The following BCLAF1 variants were observed in gnomAD, a reference collection of about 807,000 sequenced individuals.
BCLAF1 encodes the protein bcl-2-associated transcription factor 1.
BCLAF1 carries 10 observed loss-of-function variants against 99.5 expected under a neutral mutation model. The observed-to-expected ratio is 0.10, with a 90% CI of 0.06 to 0.17. The LOEUF (loss-of-function observed/expected upper bound fraction) is 0.17. Among genes scored for constraint, BCLAF1 ranks in the 10% least tolerant of loss-of-function variants. The pLI, the probability that BCLAF1 is intolerant of heterozygous loss-of-function variation, is 1.00. For synonymous variants in BCLAF1, 255 were observed against 370.9 expected (o/e 0.69, Z 3.59); for missense variants, 636 against 1,105.8 (o/e 0.58, Z 6.02).
rs374912246 is a variant in BCLAF1 at position 136,278,729 on chromosome 6, C to T, written c.152G>A (p.Arg51His). The T allele has an allele frequency of 6.2e-6, 10 of 1,605,768 alleles. No homozygotes were observed. Among genetic ancestry groups the T allele is most frequent in the Non-Finnish European group, 5.9e-6 (7 of 1,177,512 alleles). The change falls in exon 4 of 13, where the codon CGT becomes CAT. Residue 51 changes from arginine (R) to histidine (H), a missense_variant. This residue lies in a region of BCLAF1 where 81 missense variants were observed against 132.5 expected (regional missense o/e 0.61). Transcript: ENST00000531224. ...GCGACGATAATCTCTAGAATACATA[C>T]GATCTCTACTACGAGACCTTGAATA... is the stretch of plus-strand genomic sequence containing the variant. ...RTYSRSRSRDRMYSRDYRRDY... is the reference protein window; with the variant it reads ...RTYSRSRSRDHMYSRDYRRDY...
At chr6:136,263,034 G>T (rs1314193114) in intron 11 of BCLAF1, among the ~76,000 whole-genome samples, 3 of 152,118 alleles carry the variant, frequency 2.0e-5, no homozygotes, top group Non-Finnish European at 4.4e-5. Flanking sequence ...TGGCAAAAAT[G>T]ATGTTTCTAT....
At chr6:136,268,609 TTTTTAAA>T (rs1342258508) in intron 9 of BCLAF1, 2 of 298,154 alleles carry the variant, frequency 6.7e-6, no homozygotes, top group Non-Finnish European at 1.3e-5. Context: ...TTCTTTAGTA[TTTTTAAA>T]TTAAGTTATG....
chr6:136,285,927 G>A (rs375890134), intron 1 of BCLAF1, among the ~76,000 whole-genome samples: 3 of 152,034 alleles, frequency 2.0e-5, no homozygotes, highest in African/African-American at 4.8e-5. Context: ...GTGAAACCCC[G>A]TCTCTACTAA....
intron 1 of BCLAF1, among the ~76,000 whole-genome samples, chr6:136,283,979 G>C (rs1784726294): frequency 6.6e-6 from 1 of 151,714 alleles, no homozygotes; most frequent in Non-Finnish European, 1.5e-5. Context: ...TTCTAAACTG[G>C]AGTACTGTCA....
chr6:136,263,619 C>T (rs796099702), intron 11 of BCLAF1, among the ~76,000 whole-genome samples: 8 of 152,202 alleles, frequency 5.3e-5, no homozygotes, highest in African/African-American at 1.9e-4. Context: ...GTATTAGAAA[C>T]CAAGACCTTC....
intron 7 of BCLAF1, 70 bp from the exon 8 acceptor site, chr6:136,272,149 A>G: frequency 1.8e-6 from 2 of 1,097,206 alleles, no homozygotes; most frequent in Non-Finnish European, 2.6e-6. Flanking sequence ...CCACACGATT[A>G]TCCATTTTCC....
intron 11 of BCLAF1, among the ~76,000 whole-genome samples, chr6:136,261,778 T>C (rs1562228975): frequency 6.6e-6 from 1 of 152,162 alleles, no homozygotes; most frequent in Non-Finnish European, 1.5e-5. Flanking sequence ...GTTTTGTTTT[T>C]TTATTATGTC....
Position 136,268,357 on chromosome 6 carries a change from CAA to C in BCLAF1, c.2220-20_2220-19del. The C allele has an allele frequency of 6.4e-7, 1 of 1,571,786 alleles. No homozygotes were observed. The highest frequency in any genetic ancestry group is 2.3e-5 in the East Asian group (1 of 44,238). On this transcript the variant is annotated intron_variant, in intron 9 of 12. Coordinates refer to ENST00000531224, the MANE Select transcript of BCLAF1 (RefSeq NM_014739.3). ...TATGTTTACTGCAAAATAAAGAAAACAAAAAATGTGATACTTTTAAAAAGATA... is the reference window on the plus strand; with the variant it reads ...TATGTTTACTGCAAAATAAAGAAAACAAAATGTGATACTTTTAAAAAGATA...
At chr6:136,283,178 CAAAAAAAAAAAAA>C (rs1173234336) in intron 1 of BCLAF1, among the ~76,000 whole-genome samples, 8 of 52,046 alleles carry the variant, frequency 1.5e-4, no homozygotes, top group Admixed American at 8.0e-4. Flanking sequence ...GACCCCATCT[CAAAAAAAAAAAAA>C]AAAAAAAAAA....
intron 11 of BCLAF1, among the ~76,000 whole-genome samples, chr6:136,262,199 C>G (rs1328998813): frequency 1.3e-5 from 2 of 152,054 alleles, no homozygotes; most frequent in East Asian, 1.9e-4. Flanking sequence ...ATCTGCAAAA[C>G]TGAAAAGTAC....
chr6:136,267,329 T>C (rs1038234324), intron 10 of BCLAF1, among the ~76,000 whole-genome samples, 154 bp from the exon 11 acceptor site: 2 of 152,020 alleles, frequency 1.3e-5, no homozygotes, highest in African/African-American at 4.8e-5. Context: ...CCATTTTATA[T>C]CATAGGCAAA....
Position 136,259,840 on chromosome 6 carries a change from C to T in BCLAF1, c.*1270G>A, listed in dbSNP as rs544742288. 45 of 152,050 alleles carry T rather than the reference C, an allele frequency of 3.0e-4. No individual in the cohort carries two copies. The highest frequency in any genetic ancestry group is 1.1e-3 in the African/African-American group (45 of 41,518). The allele number at this position is 152,050 out of a possible 1,614,324, so 9.4% of individuals were successfully genotyped here. On this transcript the variant is annotated 3_prime_UTR_variant, in exon 13 of 13. Transcript: ENST00000531224. ...TGAAATGTGTCTACTTTTATATATG[C>T]CCATAAAGCAGACACTTAACATTGA...
chr6:136,286,138 T>C (rs1048780403), intron 1 of BCLAF1, among the ~76,000 whole-genome samples: 11 of 152,068 alleles, frequency 7.2e-5, no homozygotes, highest in African/African-American at 1.9e-4. Context: ...TTCAACAAAA[T>C]ACCCAAGACA....
intron 9 of BCLAF1, 156 bp downstream of exon 9, chr6:136,269,281 T>C: frequency 6.6e-7 from 1 of 1,521,276 alleles, no homozygotes; most frequent in Non-Finnish European, 8.8e-7. Context: ...CCATAAGCCG[T>C]GTAAAAGACA....
At chr6:136,272,956 TTTA>T (rs1325892338) in intron 7 of BCLAF1, 123 bp downstream of exon 7, 7 of 571,738 alleles carry the variant, frequency 1.2e-5, no homozygotes, top group Non-Finnish European at 2.1e-5. Context: ...AATATATTTA[TTTA>T]AAGTATAAAT....
chr6:136,281,030 T>C (rs975699854), intron 2 of BCLAF1, among the ~76,000 whole-genome samples: 1 of 152,186 alleles, frequency 6.6e-6, no homozygotes, highest in African/African-American at 2.4e-5. Context: ...AAAATAGTAT[T>C]TGGAGGTACT....
In BCLAF1 at chr6:136,261,398, C is replaced by T. The variant is rs747058397; in HGVS notation, c.2624G>A (p.Arg875His). 1.2e-6 allele frequency: 2 copies of T among 1,613,750 alleles called. No individual in the cohort carries two copies. Among genetic ancestry groups the T allele is most frequent in the East Asian group, 2.2e-5 (1 of 44,868 alleles). The change falls in exon 12 of 13, where the codon CGC becomes CAC. Residue 875 changes from arginine to histidine, a missense_variant. By Grantham distance (29) the Arg-to-His change is conservative. Around this residue, in one of 9 missense-constraint regions of BCLAF1, gnomAD observed 57 missense variants for 116.7 expected, o/e 0.49. Transcript: ENST00000531224. ...GRGTFQRGRG[R>H]FNFKKSGSSP... ...GCTACCTGATTTTTTGAAGTTAAAGCGCCCTCTGCCACGTTGAAAAGTACC... is the reference window on the plus strand; with the variant it reads ...GCTACCTGATTTTTTGAAGTTAAAGTGCCCTCTGCCACGTTGAAAAGTACC...
intron 8 of BCLAF1, among the ~76,000 whole-genome samples, chr6:136,271,251 G>T (rs928361493): frequency 2.6e-5 from 4 of 151,854 alleles, no homozygotes; most frequent in Non-Finnish European, 5.9e-5. Flanking sequence ...GAACCAAGCA[G>T]TACTTCCAAG....
In BCLAF1 at chr6:136,259,873, T is replaced by C. The variant is rs981544944; in HGVS notation, c.*1237A>G. 6.6e-6 allele frequency: 1 copy of C among 152,032 alleles called. No individual in the cohort carries two copies. Among genetic ancestry groups the C allele is most frequent in the Non-Finnish European group, 1.5e-5 (1 of 67,886 alleles). 9.4% of individuals were successfully genotyped at this position (152,032 alleles called of 1,614,324 possible). On this transcript the variant is annotated 3_prime_UTR_variant, in exon 13 of 13. Coordinates refer to ENST00000531224, the MANE Select transcript of BCLAF1 (RefSeq NM_014739.3). ...GCAGACACTTAACATTGAAATTTAC[T>C]ATTTTAGATTTTCACTCCTTTAAGA...
Sources: gnomAD v4.1 joint callset for allele counts (sites outside exome capture counted in the v4.1 genomes callset) on GRCh38, gnomAD v4.1.1 for gene constraint, gnomAD v4.1.1 regional missense constraint, MANE v1.5 for transcripts, NCBI Gene and HGNC (gene_info 2026-07-23, HGNC 2026-07-21) for gene names.